Variants in PDZD8 observed in about 807,000 individuals in gnomAD.
The protein encoded by PDZD8 is PDZ domain-containing protein 8.
In PDZD8, 14 loss-of-function variants were observed where a neutral mutation model predicts 85.8. The ratio of observed to expected loss-of-function variants is 0.16; its 90% CI spans 0.11 to 0.26. PDZD8 has a LOEUF of 0.26. Ranked by LOEUF, PDZD8 falls within the 10% of genes least tolerant of loss-of-function variation. The pLI is 1.00. For synonymous variants in PDZD8, 592 were observed against 568.6 expected, an observed-to-expected ratio of 1.04 and a Z score of -0.59; for missense variants, 1,197 against 1,424.3, an observed-to-expected ratio of 0.84 and a Z score of 2.57.
At chr10:117,327,384 C>G (rs955000430) in intron 2 of PDZD8, among the ~76,000 whole-genome samples, 18 of 152,202 alleles carry the variant, frequency 1.2e-4, no homozygotes, top group African/African-American at 4.1e-4. Flanking sequence ...AAAATACAGT[C>G]TCTGTAATGT....
Position 117,284,050 on chromosome 10 carries a change from C to T in PDZD8, c.2683G>A (p.Asp895Asn). Residue 895 changes from aspartate to asparagine, a missense_variant, in exon 5 of 5, where the codon GAT (aspartate) becomes AAT (asparagine). Transcript: ENST00000334464. ...TTCAGTGTCCTGTCTATTCGCCTAT[C>T]AGTTGCTCCACAAACAGAAGTCTCA... Reference protein sequence around the residue: ...LAETSVCGATDRRIDRTLKNL... With the variant: ...LAETSVCGATNRRIDRTLKNL... The T allele has an allele frequency of 6.2e-7, 1 of 1,614,182 alleles. No homozygotes were observed. The highest frequency in any genetic ancestry group is 8.5e-7 in the Non-Finnish European group (1 of 1,180,038).
Position 117,284,956 on chromosome 10 carries a change from G to A in PDZD8, c.1777C>T (p.Pro593Ser). 1 of 1,614,152 alleles carries A rather than the reference G, an allele frequency of 6.2e-7. No homozygotes were observed. The highest frequency in any genetic ancestry group is 8.5e-7 in the Non-Finnish European group (1 of 1,180,010). The change falls in exon 5 of 5, where the codon CCA (proline) becomes TCA (serine). Residue 593 changes from proline to serine, a missense_variant. Pro to Ser is a moderately conservative substitution (Grantham distance 74, BLOSUM62 -1). Around this residue, in one of 4 missense-constraint regions of PDZD8, gnomAD observed 263 missense variants for 261.9 expected, o/e 1.00. Coordinates refer to ENST00000334464, the MANE Select transcript of PDZD8 (RefSeq NM_173791.5). ...AAAGGAACTTTCGCTTGTGGTCGTG[G>A]TGGCACAGGTGGTTTGAAAGCAGAT... is the stretch of plus-strand genomic sequence containing the variant. Reference protein sequence around the residue: ...QGSAFKPPVPPRPQAKVPLPS... With the variant: ...QGSAFKPPVPSRPQAKVPLPS...
rs1340341624 is a variant in PDZD8 at position 117,374,523 on chromosome 10, G to C, written c.705C>G (p.Arg235=). ...AGAAGAACCAGTGGGTGAAGGGCAC[G>C]CGCGTAAAGACCAAGCGCAGCCTTC... ...VVGRLRLVFT[R]VPFTHWFFSF... The change falls in exon 1 of 5, where the codon CGC becomes CGG. Residue 235 remains arginine (R), a synonymous_variant. Transcript: ENST00000334464. This position sits in a 1 kb window ranked among gnomAD's most constrained non-coding sequence, Gnocchi z 7.8. 6.2e-7 allele frequency: 1 copy of C among 1,611,288 alleles called. No individual in the cohort carries two copies. The highest frequency in any genetic ancestry group is 2.2e-5 in the East Asian group (1 of 44,766).
At chr10:117,364,203 T>A (rs1845047262) in intron 1 of PDZD8, among the ~76,000 whole-genome samples, 1 of 151,376 alleles carries the variant, frequency 6.6e-6, no homozygotes, top group East Asian at 1.9e-4. Context: ...TGTGTGTGTG[T>A]GTGTGAGAGT....
intron 3 of PDZD8, among the ~76,000 whole-genome samples, chr10:117,308,085 T>C (rs1417294570): frequency 1.3e-5 from 2 of 152,136 alleles, no homozygotes; most frequent in Non-Finnish European, 2.9e-5. Context: ...TTAATATTCT[T>C]TATTCCTAAA....
intron 1 of PDZD8, among the ~76,000 whole-genome samples, chr10:117,357,386 C>T (rs1417367325): frequency 6.6e-6 from 1 of 151,856 alleles, no homozygotes; most frequent in Non-Finnish European, 1.5e-5. Flanking sequence ...CAATGAGACC[C>T]TCTCTCAAAA....
chr10:117,317,641 G>C (rs74482521), intron 3 of PDZD8, among the ~76,000 whole-genome samples: 2 of 152,050 alleles, frequency 1.3e-5, no homozygotes, highest in South Asian at 4.1e-4. Flanking sequence ...CAAAGTAAAC[G>C]CAAAAATTTA....
chr10:117,362,726 C>A (rs938085253), intron 1 of PDZD8, among the ~76,000 whole-genome samples: 3 of 151,982 alleles, frequency 2.0e-5, no homozygotes, highest in African/African-American at 7.2e-5. Flanking sequence ...AAGCAATTTA[C>A]CTAAAATGGG....
Position 117,326,829 on chromosome 10 carries a change from T to C in PDZD8, c.996-7855A>G, listed in dbSNP as rs952566030. Among the ~76,000 whole-genome samples, 4 of 152,180 alleles carry C rather than the reference T, an allele frequency of 2.6e-5. No individual in the cohort carries two copies. The East Asian group carries it at 7.7e-4, about 29-fold the overall frequency. On this transcript the variant is annotated intron_variant, in intron 2 of 4. Coordinates refer to ENST00000334464, the MANE Select transcript of PDZD8 (RefSeq NM_173791.5). ...GCATCTGTGCAGTTGCAGACACTTC[T>C]TGTTACAGATGGATAAATACATCTG... is the stretch of plus-strand genomic sequence containing the variant.
rs1174299449 is a variant in PDZD8, at chr10:117,278,491, C to T, written c.*4777G>A. ...ACATTGATGTGCCTTTTCAGTGTAACAGCAAATACTGTTAGTGAACATTGT... is the reference window on the plus strand; with the variant it reads ...ACATTGATGTGCCTTTTCAGTGTAATAGCAAATACTGTTAGTGAACATTGT... On this transcript the variant is annotated 3_prime_UTR_variant, in exon 5 of 5. Transcript: ENST00000334464. The T allele has an allele frequency of 6.6e-6, 1 of 152,174 alleles. No individual in the cohort carries two copies. Among genetic ancestry groups the T allele is most frequent in the African/African-American group, 2.4e-5 (1 of 41,442 alleles). The allele number at this position is 152,174 out of a possible 1,614,324, so 9.4% of individuals were successfully genotyped here. A position where few individuals can be genotyped will look rare whatever the true frequency, so the allele number is the denominator to read the frequency against.
chr10:117,359,400 A>C (rs1355011380), intron 1 of PDZD8, among the ~76,000 whole-genome samples: 1 of 151,058 alleles, frequency 6.6e-6, no homozygotes, highest in African/African-American at 2.4e-5. Flanking sequence ...TGGGTGACAG[A>C]GCGAGACCCT....
intron 2 of PDZD8, among the ~76,000 whole-genome samples, chr10:117,338,616 A>G (rs750706298): frequency 9.2e-5 from 14 of 152,242 alleles, no homozygotes; most frequent in Non-Finnish European, 2.1e-4. Flanking sequence ...TTCCCTGTAT[A>G]CCCCGTAAAA....
At chr10:117,301,697 G>A (rs1843850592) in intron 3 of PDZD8, among the ~76,000 whole-genome samples, 1 of 152,206 alleles carries the variant, frequency 6.6e-6, no homozygotes, top group African/African-American at 2.4e-5. Context: ...CAGCAAGAAG[G>A]CTGTTGAAGA....
chr10:117,363,245 T>A (rs1469244104), intron 1 of PDZD8, among the ~76,000 whole-genome samples: 1 of 152,094 alleles, frequency 6.6e-6, no homozygotes, highest in African/African-American at 2.4e-5. Flanking sequence ...TCCTTAGTAA[T>A]AAGTGTTAGT....
intron 1 of PDZD8, among the ~76,000 whole-genome samples, chr10:117,350,519 C>T (rs142758939): frequency 0.028 from 4,210 of 151,220 alleles, 220 homozygotes; most frequent in African/African-American, 0.098. Context: ...CTGCTTCGGC[C>T]TCCCAAAGTG....
At chr10:117,304,381 T>A (rs1303301127) in intron 3 of PDZD8, among the ~76,000 whole-genome samples, 2 of 152,192 alleles carry the variant, frequency 1.3e-5, no homozygotes, top group Admixed American at 1.3e-4. Flanking sequence ...AGTAACTAGC[T>A]TGCTTTTGAT....
At chr10:117,369,621 G>C (rs12244411) in intron 1 of PDZD8, among the ~76,000 whole-genome samples, 22,567 of 151,896 alleles carry the variant, frequency 0.15, 1,965 homozygotes, top group East Asian at 0.41. Context: ...CCTCCAGTAC[G>C]GGTCTCAAAT....
Position 117,284,111 on chromosome 10 carries a change from A to G in PDZD8, c.2622T>C (p.Tyr874=), listed in dbSNP as rs761658470. Residue 874 remains tyrosine, a synonymous_variant, in exon 5 of 5, where the codon TAT becomes TAC. Coordinates refer to ENST00000334464, the MANE Select transcript of PDZD8 (RefSeq NM_173791.5). ...KAASQCMFCA[Y]VCHKKCQEKC... ...TTTCTTGACATTTTTTATGGCAAAC[A>G]TAAGCACAAAACATACACTGGGAAG... 21 of 1,614,090 alleles carry G rather than the reference A, an allele frequency of 1.3e-5. 1 individual carries two copies. Among genetic ancestry groups the G allele is most frequent in the South Asian group, 7.7e-5 (7 of 91,090 alleles).
chr10:117,282,469 A>C lies in PDZD8; in HGVS notation c.*799T>G, dbSNP rs1844587150. ...CTATGTTACTGTTTTTCAGTAATTAAGTCTTGTTATCCTCTCTACAAAATT... is the reference window on the plus strand; with the variant it reads ...CTATGTTACTGTTTTTCAGTAATTACGTCTTGTTATCCTCTCTACAAAATT... On this transcript the variant is annotated 3_prime_UTR_variant, in exon 5 of 5. Transcript: ENST00000334464. 1 of 152,212 alleles carries C rather than the reference A, an allele frequency of 6.6e-6. No individual in the cohort carries two copies. Among genetic ancestry groups the C allele is most frequent in the Admixed American group, 6.5e-5 (1 of 15,284 alleles). The allele number at this position is 152,212 out of a possible 1,614,324, so 9.4% of individuals were successfully genotyped here.
Sources: gnomAD v4.1 joint callset for allele counts (sites outside exome capture counted in the v4.1 genomes callset) on GRCh38, gnomAD v4.1.1 for gene constraint, gnomAD v4.1.1 regional missense constraint, Gnocchi (gnomAD v3.1) non-coding constraint, MANE v1.5 for transcripts, NCBI Gene and HGNC (gene_info 2026-07-23, HGNC 2026-07-21) for gene names.